The following RBFOX1 variants were observed in gnomAD, a reference collection of about 807,000 sequenced individuals.
The protein encoded by RBFOX1 is RNA binding protein fox-1 homolog 1.
Under a neutral mutation model 57.7 loss-of-function variants are expected in RBFOX1, and 8 were observed. That is an observed-to-expected ratio of 0.14 (90% CI 0.08 to 0.25). The LOEUF is 0.25. RBFOX1 is among the 10% of genes least tolerant of loss of function. RBFOX1 has a pLI of 1.00. For missense variants in RBFOX1, 611 were observed against 548.5 expected (o/e 1.11, Z -1.14); for synonymous variants, 326 against 222.4 (o/e 1.47, Z -4.15).
At chr16:6,764,347 C>G (rs2077035361) in intron 3 of RBFOX1, among the ~76,000 whole-genome samples, 1 of 152,200 alleles carries the variant, frequency 6.6e-6, no homozygotes, top group African/African-American at 2.4e-5. Flanking sequence ...AAAGGGAAAA[C>G]CTGAAATATT....
chr16:6,965,423 G>T (rs980518910), intron 3 of RBFOX1, among the ~76,000 whole-genome samples: 1 of 151,710 alleles, frequency 6.6e-6, no homozygotes, highest in African/African-American at 2.4e-5. Context: ...GCTTACTGCA[G>T]CCTCCCGGGT....
At chr16:7,253,075 A>G (rs1266541773) in intron 4 of RBFOX1, among the ~76,000 whole-genome samples, 2 of 152,178 alleles carry the variant, frequency 1.3e-5, no homozygotes, top group Non-Finnish European at 2.9e-5. Context: ...TCTTATAATT[A>G]CCTTTAAACA....
At chr16:7,358,154 G>T (rs758379668) in intron 4 of RBFOX1, among the ~76,000 whole-genome samples, 1 of 152,166 alleles carries the variant, frequency 6.6e-6, no homozygotes, top group Non-Finnish European at 1.5e-5. Flanking sequence ...AATAAATTGT[G>T]TATCTGTTAT....
At chr16:5,968,328 G>C (rs2059892414) in intron 4 of RBFOX1, among the ~76,000 whole-genome samples, 1 of 152,258 alleles carries the variant, frequency 6.6e-6, no homozygotes, top group East Asian at 1.9e-4. Context: ...CCCCGCCTCA[G>C]CCTCCCCAAG....
At chr16:6,267,793 C>A (rs1448575925) in intron 1 of RBFOX1, among the ~76,000 whole-genome samples, 1 of 152,102 alleles carries the variant, frequency 6.6e-6, no homozygotes, top group African/African-American at 2.4e-5. Flanking sequence ...TGTGGCTATT[C>A]TGAGCATCCA....
At chr16:7,141,759 C>T (rs1200471976) in intron 4 of RBFOX1, among the ~76,000 whole-genome samples, 1 of 152,122 alleles carries the variant, frequency 6.6e-6, no homozygotes, top group Non-Finnish European at 1.5e-5. Context: ...ATCCATCTTT[C>T]CTACTCTGTC....
chr16:6,385,899 T>C (rs368081683), intron 2 of RBFOX1, among the ~76,000 whole-genome samples: 305 of 151,820 alleles, frequency 2.0e-3, no homozygotes, highest in African/African-American at 7.1e-3. Flanking sequence ...CCAACATTAG[T>C]GTGGGAATTC....
intron 3 of RBFOX1, among the ~76,000 whole-genome samples, chr16:6,807,743 G>A (rs2087221841): frequency 6.6e-6 from 1 of 152,078 alleles, no homozygotes; most frequent in Non-Finnish European, 1.5e-5. Context: ...TTGAATCCAG[G>A]AGATGGAGGT....
At chr16:7,353,241 A>G (rs1246394159) in intron 4 of RBFOX1, among the ~76,000 whole-genome samples, 3 of 152,324 alleles carry the variant, frequency 2.0e-5, no homozygotes, top group African/African-American at 4.8e-5. Flanking sequence ...CTAGCCATAA[A>G]TAAATGGTAC....
chr16:7,601,101 A>T (rs974595664), intron 9 of RBFOX1, among the ~76,000 whole-genome samples: 1 of 152,202 alleles, frequency 6.6e-6, no homozygotes, highest in Non-Finnish European at 1.5e-5. Flanking sequence ...GGTGCTAGAC[A>T]TGGCTTTTTC....
At chr16:5,449,565 T>C (rs981048533) in intron 1 of RBFOX1, among the ~76,000 whole-genome samples, 6 of 152,184 alleles carry the variant, frequency 3.9e-5, no homozygotes, top group African/African-American at 1.2e-4. Flanking sequence ...CCATGCTTTC[T>C]GTGCAGTCTA....
At position 7,664,739 on chromosome 16, in the gene RBFOX1, G is replaced by C. The variant is rs899238447; in HGVS notation, c.891-190G>C. 3 of 959,894 alleles carry C rather than the reference G, an allele frequency of 3.1e-6. No individual in the cohort carries two copies. The Admixed American group carries it at 7.8e-5, about 25-fold the overall frequency. The allele number at this position is 959,894 out of a possible 1,614,324, so 59.5% of individuals were successfully genotyped here. On this transcript the variant is annotated intron_variant, in intron 12 of 15. Transcript: ENST00000550418. ...ATCCTAATTCTGGGCCAACACCAAA[G>C]CCCGGCCTAATTTTCTCGGTTTGCT... is the stretch of plus-strand genomic sequence containing the variant.
chr16:7,060,479 A>G (rs547486335), intron 4 of RBFOX1, among the ~76,000 whole-genome samples: 1 of 152,362 alleles, frequency 6.6e-6, no homozygotes, highest in South Asian at 2.1e-4. Flanking sequence ...TATCACTTTA[A>G]AAGTGATTTC....
intron 6 of RBFOX1, among the ~76,000 whole-genome samples, chr16:7,585,928 C>G (rs2152884344): frequency 6.6e-6 from 1 of 152,184 alleles, no homozygotes; most frequent in Middle Eastern, 3.4e-3. Flanking sequence ...ACCCCTCACC[C>G]CAGTCGCTCT....
At chr16:7,134,762 T>G (rs908155366) in intron 4 of RBFOX1, among the ~76,000 whole-genome samples, 2 of 152,194 alleles carry the variant, frequency 1.3e-5, no homozygotes, top group East Asian at 3.9e-4. Flanking sequence ...GCTTGTGTGC[T>G]GTACCGAATT....
intron 2 of RBFOX1, among the ~76,000 whole-genome samples, chr16:6,409,552 T>G (rs533600735): frequency 6.6e-6 from 1 of 152,208 alleles, no homozygotes; most frequent in Non-Finnish European, 1.5e-5. Context: ...TTTGATAATA[T>G]ACCTCCATGA....
At chr16:6,799,775 C>G (rs779025981) in intron 3 of RBFOX1, among the ~76,000 whole-genome samples, 10 of 152,002 alleles carry the variant, frequency 6.6e-5, no homozygotes, top group Non-Finnish European at 1.5e-4. Flanking sequence ...GCCTTTGGAC[C>G]GCTGGACTTA....
rs1289247441 is a variant in RBFOX1 at position 7,272,990 on chromosome 16, TCTCCCTTCCTTC to T, written c.27+220904_27+220915del. ...CCTTCTTTCCTTCCGTCCCTCCCTC[TCTCCCTTCCTTC>T]CTCCCTTCCTTTCTGCCTTCCTTCC... is the stretch of plus-strand genomic sequence containing the variant. On this transcript the variant is annotated intron_variant, in intron 4 of 15. Transcript: ENST00000550418. Among the ~76,000 whole-genome samples the T allele has an allele frequency of 4.7e-5, 6 of 128,708 alleles. No individual in the cohort carries two copies. In the South Asian group the frequency reaches 1.5e-3, roughly 31 times the overall value. 84.4% of individuals were successfully genotyped at this position (128,708 alleles called of 152,430 possible). A position where few individuals can be genotyped will look rare whatever the true frequency, so the allele number is the denominator to read the frequency against.
At chr16:6,607,594 C>T (rs765262673) in intron 2 of RBFOX1, among the ~76,000 whole-genome samples, 1 of 151,210 alleles carries the variant, frequency 6.6e-6, no homozygotes, top group Non-Finnish European at 1.5e-5. Flanking sequence ...TCCCTCCTCT[C>T]TCTCTCTCCT....
Sources: gnomAD v4.1 joint callset for allele counts (sites outside exome capture counted in the v4.1 genomes callset) on GRCh38, gnomAD v4.1.1 for gene constraint, MANE v1.5 for transcripts, NCBI Gene and HGNC (gene_info 2026-07-23, HGNC 2026-07-21) for gene names.